Variants in ELP4 observed in about 807,000 individuals in gnomAD.
ELP4 encodes elongator complex protein 4.
Under a neutral mutation model 48.9 loss-of-function variants are expected in ELP4, and 51 were observed. The observed-to-expected ratio is 1.04, with a 90% CI of 0.83 to 1.32. The LOEUF (loss-of-function observed/expected upper bound fraction) is 1.32, where lower values mean the gene tolerates loss of function less well. Ranked by LOEUF, ELP4 falls within the 40% of genes most tolerant of loss-of-function variation. The pLI is 0.00. For missense variants in ELP4, 519 were observed against 514.6 expected (o/e 1.01, Z -0.08); for synonymous variants, 210 against 189.2 (o/e 1.11, Z -0.90).
rs544137241 is a variant in ELP4 at position 31,733,307 on chromosome 11, C to A, written c.1144-50086C>A. 2.6e-5 allele frequency among the ~76,000 whole-genome samples: 4 copies of A among 151,950 alleles called. No homozygotes were observed. The East Asian group carries it at 7.7e-4, about 29-fold the overall frequency. On this transcript the variant is annotated intron_variant, in intron 9 of 9. Transcript: ENST00000640961. ...CCTGGCCAACATGGTGAAACCCCAT[C>A]TCTACTAAAAATACAAAAGCCTAGC...
At position 31,785,472 on chromosome 11, in the gene ELP4, C is replaced by A. The variant is rs775235098; in HGVS notation, c.*1948C>A. On this transcript the variant is annotated 3_prime_UTR_variant, in exon 10 of 10. Transcript: ENST00000640961. ...ACAGCCAATTACTAGTTAATATATG[C>A]TTTGCAAATAGATAACTACTATAAA... 62 of 187,656 alleles carry A rather than the reference C, an allele frequency of 3.3e-4. No individual in the cohort carries two copies. Among genetic ancestry groups the A allele is most frequent in the Non-Finnish European group, 5.5e-4 (49 of 89,058 alleles). The allele number at this position is 187,656 out of a possible 1,614,324, so 11.6% of individuals were successfully genotyped here.
intron 9 of ELP4, among the ~76,000 whole-genome samples, chr11:31,712,667 T>C (rs894631423): frequency 3.9e-5 from 6 of 152,186 alleles, no homozygotes; most frequent in African/African-American, 1.4e-4. Flanking sequence ...TTTGAAAATA[T>C]TAATAACAGC....
intron 7 of ELP4, chr11:31,645,525 A>T (rs1159113258): frequency 6.6e-6 from 1 of 151,816 alleles, no homozygotes; most frequent in African/African-American, 2.4e-5. Context: ...TCTGTTATTC[A>T]TATAATTGAG....
rs542794793 is a variant in ELP4, at chr11:31,544,026, T to C, written c.381+4243T>C. ...GAAAAAGATCGGGGAGGAGCCAAGA[T>C]GGCCGAATAGGAACAGCTCCGGTCT... On this transcript the variant is annotated intron_variant, in intron 3 of 9. Coordinates refer to ENST00000640961, the MANE Select transcript of ELP4 (RefSeq NM_019040.5). 5.8e-4 allele frequency among the ~76,000 whole-genome samples: 89 copies of C among 152,302 alleles called. 1 individual carries two copies. The highest frequency in any genetic ancestry group is 2.1e-3 in the African/African-American group (87 of 41,558).
intron 9 of ELP4, among the ~76,000 whole-genome samples, chr11:31,744,217 C>A (rs1314285177): frequency 2.0e-5 from 3 of 152,026 alleles, no homozygotes; most frequent in East Asian, 1.9e-4. Context: ...CTGAATAGAC[C>A]AATAACAGGC....
chr11:31,671,180 A>C (rs1945798292), intron 9 of ELP4, among the ~76,000 whole-genome samples: 1 of 152,216 alleles, frequency 6.6e-6, no homozygotes, highest in Admixed American at 6.5e-5. Context: ...CCATAAAATA[A>C]ATCATAAAAT....
At position 31,783,936 on chromosome 11, in the gene ELP4, A is replaced by C. The variant is rs1421533774; in HGVS notation, c.*412A>C. The C allele has an allele frequency of 2.0e-5, 3 of 153,392 alleles. No homozygotes were observed. The highest frequency in any genetic ancestry group is 7.2e-5 in the African/African-American group (3 of 41,500). The allele number at this position is 153,392 out of a possible 1,614,324, so 9.5% of individuals were successfully genotyped here. A position where few individuals can be genotyped will look rare whatever the true frequency, so the allele number is the denominator to read the frequency against. On this transcript the variant is annotated 3_prime_UTR_variant, in exon 10 of 10. Transcript: ENST00000640961. Reference sequence around the variant, plus strand: ...TTACAGAAACAGTCACTTGCCACCAAAAATGCTGTTTTTTAAATGAAAATG... The same window carrying C: ...TTACAGAAACAGTCACTTGCCACCACAAATGCTGTTTTTTAAATGAAAATG...
intron 3 of ELP4, among the ~76,000 whole-genome samples, chr11:31,560,282 A>G (rs1006926591): frequency 2.6e-5 from 4 of 152,286 alleles, no homozygotes; most frequent in African/African-American, 9.6e-5. Context: ...TCTCTGTTTA[A>G]GAAATAATAA....
intron 3 of ELP4, among the ~76,000 whole-genome samples, chr11:31,560,327 T>C (rs1347791832): frequency 1.3e-5 from 2 of 152,162 alleles, no homozygotes; most frequent in Non-Finnish European, 1.5e-5. Context: ...TCTTAATTTC[T>C]TAAAAGATAA....
chr11:31,565,298 A>G (rs1957091595), intron 3 of ELP4, among the ~76,000 whole-genome samples: 2 of 152,176 alleles, frequency 1.3e-5, no homozygotes, highest in South Asian at 4.1e-4. Flanking sequence ...AGTAGATTGC[A>G]AAAATTTTCT....
At chr11:31,611,560 A>T (rs1957979680) in intron 5 of ELP4, among the ~76,000 whole-genome samples, 1 of 152,200 alleles carries the variant, frequency 6.6e-6, no homozygotes, top group South Asian at 2.1e-4. Context: ...GTTTTCCAGG[A>T]TTCTGATGTT....
At chr11:31,667,506 T>G (rs1945706064) in intron 9 of ELP4, among the ~76,000 whole-genome samples, 1 of 152,202 alleles carries the variant, frequency 6.6e-6, no homozygotes, top group Admixed American at 6.5e-5. Context: ...ACATAATTTA[T>G]TTTTAACAAA....
At chr11:31,740,719 T>G (rs1947424906) in intron 9 of ELP4, among the ~76,000 whole-genome samples, 1 of 152,194 alleles carries the variant, frequency 6.6e-6, no homozygotes, top group Non-Finnish European at 1.5e-5. Flanking sequence ...GAATTTGAGG[T>G]TGATGATCTT....
chr11:31,625,365 A>G (rs1944719425), intron 5 of ELP4, among the ~76,000 whole-genome samples: 1 of 151,830 alleles, frequency 6.6e-6, no homozygotes, highest in South Asian at 2.1e-4. Flanking sequence ...TCCCATGTTT[A>G]CTATACCGTT....
chr11:31,688,359 T>C (rs1946206715), intron 9 of ELP4, among the ~76,000 whole-genome samples: 1 of 152,202 alleles, frequency 6.6e-6, no homozygotes, highest in Admixed American at 6.5e-5. Context: ...ACCAATTTTC[T>C]ACTTATTTAG....
intron 9 of ELP4, among the ~76,000 whole-genome samples, chr11:31,759,838 C>G (rs1007720175): frequency 2.6e-5 from 4 of 151,970 alleles, no homozygotes; most frequent in Non-Finnish European, 5.9e-5. Flanking sequence ...TCCCGAGTAG[C>G]TGGGATTACA....
chr11:31,632,131 TATAAAG>T, intron 6 of ELP4, 80 bp from the exon 7 acceptor site: 6 of 1,119,380 alleles, frequency 5.4e-6, no homozygotes, highest in Non-Finnish European at 7.5e-6. Flanking sequence ...TCCCTGATGT[TATAAAG>T]ATAAGAACTG....
intron 9 of ELP4, among the ~76,000 whole-genome samples, chr11:31,769,273 A>C (rs551776910): frequency 1.6e-4 from 25 of 152,178 alleles, no homozygotes; most frequent in African/African-American, 6.0e-4. Flanking sequence ...TTCTGCATAC[A>C]CTGTGGGGCA....
intron 3 of ELP4, 63 bp downstream of exon 3, chr11:31,539,846 A>T: frequency 2.1e-6 from 3 of 1,414,404 alleles, no homozygotes; most frequent in Non-Finnish European, 2.9e-6. Flanking sequence ...TTGTTTATAT[A>T]TGTAAACAAG....
Sources: gnomAD v4.1 joint callset for allele counts (sites outside exome capture counted in the v4.1 genomes callset) on GRCh38, gnomAD v4.1.1 for gene constraint, MANE v1.5 for transcripts, NCBI Gene and HGNC (gene_info 2026-07-23, HGNC 2026-07-21) for gene names.